SGCZ: variants seen among roughly 807,000 people sequenced by gnomAD.
SGCZ encodes the protein zeta-sarcoglycan.
In SGCZ, 40 loss-of-function variants were observed where a neutral mutation model predicts 41.3. That is an observed-to-expected ratio of 0.97 (90% CI 0.75 to 1.26). SGCZ has a LOEUF of 1.26. Among genes scored for constraint, SGCZ ranks in the 50% most tolerant of loss-of-function variants. The probability of loss-of-function intolerance (pLI) is 0.00; values close to 1 mark genes in which losing one functional copy is unlikely to be tolerated. For missense variants in SGCZ, 552 were observed against 369.8 expected, an observed-to-expected ratio of 1.49 and a Z score of -4.04; for synonymous variants, 206 against 137.5, an observed-to-expected ratio of 1.50 and a Z score of -3.49.
chr8:14,114,996 C>T (rs1417495479), intron 5 of SGCZ, among the ~76,000 whole-genome samples: 2 of 151,892 alleles, frequency 1.3e-5, no homozygotes, highest in African/African-American at 2.4e-5. Flanking sequence ...ATGGAAACGA[C>T]ATTTTTAAAA....
intron 1 of SGCZ, among the ~76,000 whole-genome samples, chr8:14,889,338 T>C (rs1204256679): frequency 6.6e-6 from 1 of 152,204 alleles, no homozygotes; most frequent in Non-Finnish European, 1.5e-5. Flanking sequence ...AAAAGTACTT[T>C]ACTTCAACCT....
chr8:14,579,920 T>A (rs1804832126), intron 1 of SGCZ, among the ~76,000 whole-genome samples: 1 of 151,930 alleles, frequency 6.6e-6, no homozygotes, highest in Non-Finnish European at 1.5e-5. Flanking sequence ...TGCCAGAGAG[T>A]GTGAAGGTTT....
chr8:14,947,991 A>C (rs1384374401), intron 1 of SGCZ, among the ~76,000 whole-genome samples: 2 of 152,186 alleles, frequency 1.3e-5, no homozygotes, highest in African/African-American at 4.8e-5. Context: ...TTTTAAAGGC[A>C]TTTTTGCATT....
chr8:14,976,974 T>C (rs75409224), intron 1 of SGCZ, among the ~76,000 whole-genome samples: 3,673 of 152,322 alleles, frequency 0.024, 160 homozygotes, highest in African/African-American at 0.083. Context: ...GCAGTTTCAC[T>C]TTCTTTGTGA....
chr8:14,115,045 A>T (rs191497922), intron 5 of SGCZ, among the ~76,000 whole-genome samples: 1 of 151,724 alleles, frequency 6.6e-6, no homozygotes, highest in African/African-American at 2.4e-5. Flanking sequence ...TCCTACCTCC[A>T]AAAAAAATGA....
chr8:14,687,556 G>A (rs1474970138), intron 1 of SGCZ, among the ~76,000 whole-genome samples: 2 of 151,638 alleles, frequency 1.3e-5, no homozygotes, highest in Non-Finnish European at 2.9e-5. Flanking sequence ...AGTATTCCAT[G>A]GTGTATATGT....
intron 1 of SGCZ, among the ~76,000 whole-genome samples, chr8:15,075,501 G>A (rs145653275): frequency 3.9e-5 from 6 of 152,142 alleles, no homozygotes; most frequent in Middle Eastern, 6.8e-3. Context: ...AAGCATTGTG[G>A]TTCCAGCCTA....
chr8:14,821,958 A>G (rs1383268913), intron 1 of SGCZ, among the ~76,000 whole-genome samples: 1 of 152,034 alleles, frequency 6.6e-6, no homozygotes, highest in Admixed American at 6.6e-5. Context: ...TAAAAATCCT[A>G]GCCAGGACAA....
chr8:14,857,890 A>C (rs1803597037), intron 1 of SGCZ, among the ~76,000 whole-genome samples: 2 of 152,120 alleles, frequency 1.3e-5, no homozygotes, highest in African/African-American at 4.8e-5. Flanking sequence ...GAAAGAAAAG[A>C]AAACAAATGC....
At chr8:14,490,490 C>A (rs1006757177) in intron 2 of SGCZ, among the ~76,000 whole-genome samples, 1 of 152,164 alleles carries the variant, frequency 6.6e-6, no homozygotes, top group Non-Finnish European at 1.5e-5. Context: ...AGGAAACACA[C>A]TGCAAAATGA....
chr8:14,959,190 T>G (rs921789447), intron 1 of SGCZ, among the ~76,000 whole-genome samples: 5 of 152,112 alleles, frequency 3.3e-5, no homozygotes, highest in Non-Finnish European at 5.9e-5. Context: ...CTGACAGATA[T>G]CAGAAGTTAT....
chr8:14,257,121 G>A (rs1040280634), intron 3 of SGCZ, among the ~76,000 whole-genome samples: 2 of 151,974 alleles, frequency 1.3e-5, no homozygotes, highest in Admixed American at 1.3e-4. Context: ...TTTAATCCAC[G>A]ACATTGAGAC....
intron 1 of SGCZ, among the ~76,000 whole-genome samples, chr8:15,171,680 C>T (rs1422890368): frequency 6.6e-6 from 1 of 152,202 alleles, no homozygotes; most frequent in Non-Finnish European, 1.5e-5. Context: ...ATCTTATTAG[C>T]ATGTGAGCCC....
chr8:14,543,742 T>C (rs1803538721), intron 2 of SGCZ, among the ~76,000 whole-genome samples: 1 of 152,268 alleles, frequency 6.6e-6, no homozygotes, highest in South Asian at 2.1e-4. Flanking sequence ...ATCACCTCTC[T>C]ATAAAATAAT....
chr8:14,374,276 G>A (rs920651296), intron 2 of SGCZ, among the ~76,000 whole-genome samples: 28 of 152,302 alleles, frequency 1.8e-4, no homozygotes. Flanking sequence ...CTCTTCAGGA[G>A]GCTGAGATGG....
At position 14,412,535 on chromosome 8, in the gene SGCZ, A is replaced by G. The variant is rs540069862; in HGVS notation, c.235-88331T>C. ...CTTGCCTTTTGCAGCTGTTCTGTTT[A>G]AATAATTCATCTAGTCATCAGGTAA... On this transcript the variant is annotated intron_variant, in intron 2 of 7. Coordinates refer to ENST00000382080, the MANE Select transcript of SGCZ (RefSeq NM_139167.4). 5.8e-4 allele frequency among the ~76,000 whole-genome samples: 88 copies of G among 152,222 alleles called. 1 individual carries two copies. Among genetic ancestry groups the G allele is most frequent in the Non-Finnish European group, 1.8e-4 (12 of 67,968 alleles).
intron 5 of SGCZ, among the ~76,000 whole-genome samples, chr8:14,146,890 A>AAAAAAAAATAATAATAATAAT (rs1182329393): frequency 1.7e-5 from 2 of 116,184 alleles, no homozygotes; most frequent in African/African-American, 3.6e-5. Flanking sequence ...AAAATAAAAA[A>AAAAAAAAATAATAATAATAAT]AATAATAATA....
At chr8:14,164,327 C>T (rs1585193076) in intron 5 of SGCZ, among the ~76,000 whole-genome samples, 1 of 152,094 alleles carries the variant, frequency 6.6e-6, no homozygotes, top group Admixed American at 6.6e-5. Flanking sequence ...CGCCCAGCCA[C>T]ATCATTTTCT....
At chr8:14,399,216 T>A (rs1405860943) in intron 2 of SGCZ, among the ~76,000 whole-genome samples, 1 of 152,140 alleles carries the variant, frequency 6.6e-6, no homozygotes, top group Non-Finnish European at 1.5e-5. Flanking sequence ...TCAGGGTTCC[T>A]TGGAGTCCTT....
Sources: gnomAD v4.1 joint callset for allele counts (sites outside exome capture counted in the v4.1 genomes callset) on GRCh38, gnomAD v4.1.1 for gene constraint, MANE v1.5 for transcripts, NCBI Gene and HGNC (gene_info 2026-07-23, HGNC 2026-07-21) for gene names.